The following PLEKHA7 variants were observed in gnomAD, a reference collection of about 807,000 sequenced individuals.
PLEKHA7 encodes pleckstrin homology domain containing A7, also known as pleckstrin homology domain-containing family A member 7.
PLEKHA7 carries 104 observed loss-of-function variants against 170.0 expected under a neutral mutation model. The observed-to-expected ratio is 0.61, with a 90% CI of 0.52 to 0.72. The LOEUF is 0.72. PLEKHA7 is among the 30% of genes least tolerant of loss of function. PLEKHA7 has a pLI of 0.00. For synonymous variants in PLEKHA7, 648 were observed against 660.8 expected, an observed-to-expected ratio of 0.98 and a Z score of 0.30; for missense variants, 1,615 against 1,671.7, an observed-to-expected ratio of 0.97 and a Z score of 0.59.
chr11:16,832,551 T>G (rs1164798593), intron 9 of PLEKHA7, among the ~76,000 whole-genome samples: 3 of 152,192 alleles, frequency 2.0e-5, no homozygotes, highest in Non-Finnish European at 2.9e-5. Context: ...CCAAATCATT[T>G]ATCTCATCAG....
chr11:17,001,527 C>T (rs980257534), intron 3 of PLEKHA7, among the ~76,000 whole-genome samples: 10 of 152,158 alleles, frequency 6.6e-5, no homozygotes, highest in Non-Finnish European at 1.5e-4. Flanking sequence ...CCTCACCCAG[C>T]GGGAGAGAAC....
chr11:16,926,552 C>A (rs370042956), intron 3 of PLEKHA7, among the ~76,000 whole-genome samples: 14 of 152,060 alleles, frequency 9.2e-5, no homozygotes, highest in African/African-American at 3.4e-4. Context: ...ACCATTGTTG[C>A]GAGGGGATTA....
chr11:16,874,789 T>C (rs781213399), intron 3 of PLEKHA7, among the ~76,000 whole-genome samples: 1 of 152,198 alleles, frequency 6.6e-6, no homozygotes, highest in Admixed American at 6.5e-5. Context: ...CCAAACAGCC[T>C]TCAGTTCTAC....
intron 3 of PLEKHA7, among the ~76,000 whole-genome samples, chr11:16,951,774 GA>G (rs1180852441): frequency 6.6e-6 from 1 of 152,242 alleles, no homozygotes; most frequent in African/African-American, 2.4e-5. Context: ...ATATTTTAAA[GA>G]AAGGAAGAAT....
intron 3 of PLEKHA7, among the ~76,000 whole-genome samples, chr11:16,956,818 G>A (rs1861729799): frequency 6.6e-6 from 1 of 152,180 alleles, no homozygotes; most frequent in Non-Finnish European, 1.5e-5. Flanking sequence ...TGAGGTCTCT[G>A]GCGGTTATAA....
At chr11:16,804,773 G>A (rs1006910740) in intron 13 of PLEKHA7, among the ~76,000 whole-genome samples, 2 of 152,232 alleles carry the variant, frequency 1.3e-5, no homozygotes, top group African/African-American at 4.8e-5. Context: ...TAGAACTCCA[G>A]CCAAATTCTG....
In PLEKHA7 at chr11:16,841,731, T is replaced by C. The variant is rs894966706; in HGVS notation, c.697-9A>G. On this transcript the variant is annotated splice_polypyrimidine_tract_variant and intron_variant, in intron 8 of 26. Coordinates refer to ENST00000531066, the MANE Select transcript of PLEKHA7 (RefSeq NM_001329630.2). Reference sequence around the variant, plus strand: ...ATCCCCGTGTGCACAGCCTGTAGCATGAAGGCAGAATGCAGGTCAGAGGGA... The same window carrying C: ...ATCCCCGTGTGCACAGCCTGTAGCACGAAGGCAGAATGCAGGTCAGAGGGA... 4 of 1,612,798 alleles carry C rather than the reference T, an allele frequency of 2.5e-6. No homozygotes were observed. The highest frequency in any genetic ancestry group is 1.1e-5 in the South Asian group (1 of 90,958).
At position 17,013,991 on chromosome 11, in the gene PLEKHA7, G is replaced by A. The variant is rs1164814348; in HGVS notation, c.219C>T (p.Ile73=). 4.5e-6 allele frequency: 7 copies of A among 1,542,602 alleles called. No individual in the cohort carries two copies. In the Admixed American group the frequency reaches 5.9e-5, roughly 13 times the overall value. Residue 73 remains isoleucine (I), a splice_region_variant and synonymous_variant, in exon 3 of 27, where the codon ATC becomes ATT. Transcript: ENST00000531066. Reference sequence around the variant, plus strand: ...GCGCGGCGGCCCCACTCACTCACTCGATGAAGTAGCTGGCGCCCTCCTCCG... The same window carrying A: ...GCGCGGCGGCCCCACTCACTCACTCAATGAAGTAGCTGGCGCCCTCCTCCG... ...GFTEEGASYF[I]DHNQQTTAFR... is the part of the protein sequence containing the mutation.
At chr11:16,779,612 A>ACC (rs1321591023) in intron 26 of PLEKHA7, among the ~76,000 whole-genome samples, 1 of 152,086 alleles carries the variant, frequency 6.6e-6, no homozygotes, top group Non-Finnish European at 1.5e-5. Flanking sequence ...TGGCTCCTCA[A>ACC]CCACGGGGCC....
chr11:16,863,977 C>A (rs2135564336), intron 4 of PLEKHA7, among the ~76,000 whole-genome samples: 1 of 152,326 alleles, frequency 6.6e-6, no homozygotes, highest in South Asian at 2.1e-4. Flanking sequence ...ATCTTTCAAA[C>A]AAGTGCAAAG....
chr11:16,888,590 A>G, intron 3 of PLEKHA7, among the ~76,000 whole-genome samples: 1 of 152,284 alleles, frequency 6.6e-6, no homozygotes, highest in Non-Finnish European at 1.5e-5. Flanking sequence ...ACTCAGGGTT[A>G]AATGGATTAA....
At chr11:16,892,652 G>A (rs1268053524) in intron 3 of PLEKHA7, among the ~76,000 whole-genome samples, 11 of 72,356 alleles carry the variant, frequency 1.5e-4, no homozygotes, top group Admixed American at 3.5e-4. Flanking sequence ...CGTATTTTTA[G>A]TAGAGACAGG....
Position 16,817,238 on chromosome 11 carries a change from G to A in PLEKHA7, c.1428C>T (p.Ser476=). 1.2e-6 allele frequency: 2 copies of A among 1,613,990 alleles called. No homozygotes were observed. Among genetic ancestry groups the A allele is most frequent in the Non-Finnish European group, 1.7e-6 (2 of 1,180,026 alleles). The change falls in exon 11 of 27, where the codon AGC becomes AGT. Residue 476 remains serine (S), a synonymous_variant. Transcript: ENST00000531066. The surrounding 1 kb of genome is among the most constrained non-coding windows in gnomAD (Gnocchi z 4.4). ...FPENYQTLPK[S]TRHPSGGSSP... ...AGGAGCCCCCCGAGGGGTGTCGGGTGCTCTTGGGAAGAGTCTGGTAGTTTT... is the reference window on the plus strand; with the variant it reads ...AGGAGCCCCCCGAGGGGTGTCGGGTACTCTTGGGAAGAGTCTGGTAGTTTT...
intron 3 of PLEKHA7, among the ~76,000 whole-genome samples, chr11:16,888,404 G>T (rs1354642691): frequency 6.6e-6 from 1 of 152,302 alleles, no homozygotes; most frequent in Non-Finnish European, 1.5e-5. Context: ...GAGTAGACGG[G>T]GGGGAAATGT....
chr11:16,996,082 T>C lies in PLEKHA7; in HGVS notation c.221+17907A>G, dbSNP rs574328561. Among the ~76,000 whole-genome samples, 128 of 152,352 alleles carry C rather than the reference T, an allele frequency of 8.4e-4. 1 individual carries two copies. Among genetic ancestry groups the C allele is most frequent in the African/African-American group, 2.9e-3 (122 of 41,588 alleles). On this transcript the variant is annotated intron_variant, in intron 3 of 26. Coordinates refer to ENST00000531066, the MANE Select transcript of PLEKHA7 (RefSeq NM_001329630.2). Reference sequence around the variant, plus strand: ...GAAAAGACAAAATATCTGCTGTTCATGGAAATAAATTATAAAATCTGTTGA... The same window carrying C: ...GAAAAGACAAAATATCTGCTGTTCACGGAAATAAATTATAAAATCTGTTGA...
intron 3 of PLEKHA7, among the ~76,000 whole-genome samples, chr11:16,872,076 C>CT (rs1270498252): frequency 6.7e-6 from 1 of 150,130 alleles, no homozygotes; most frequent in African/African-American, 2.5e-5. Context: ...TCAAGTGATT[C>CT]TCCTGCTTCA....
At chr11:17,011,329 T>C (rs1038286922) in intron 3 of PLEKHA7, among the ~76,000 whole-genome samples, 3 of 152,188 alleles carry the variant, frequency 2.0e-5, no homozygotes, top group Non-Finnish European at 4.4e-5. Flanking sequence ...GTCTCTTTAC[T>C]GCAGCATCGA....
At chr11:17,004,230 C>T (rs1026803633) in intron 3 of PLEKHA7, among the ~76,000 whole-genome samples, 4 of 152,142 alleles carry the variant, frequency 2.6e-5, no homozygotes. Flanking sequence ...GCACTTCCTG[C>T]ATCCAGTCTC....
At chr11:16,922,182 A>ACATTCTTT (rs1859146526) in intron 3 of PLEKHA7, among the ~76,000 whole-genome samples, 1 of 37,004 alleles carries the variant, frequency 2.7e-5, no homozygotes, top group Non-Finnish European at 7.5e-5. Context: ...ATACATTCTT[A>ACATTCTTT]TTTTCTACAT....
Sources: gnomAD v4.1 joint callset for allele counts (sites outside exome capture counted in the v4.1 genomes callset) on GRCh38, gnomAD v4.1.1 for gene constraint, Gnocchi (gnomAD v3.1) non-coding constraint, MANE v1.5 for transcripts, NCBI Gene and HGNC (gene_info 2026-07-23, HGNC 2026-07-21) for gene names.